HCK: variants seen among roughly 807,000 people sequenced by gnomAD.
HCK encodes tyrosine-protein kinase HCK.
In HCK, 40 loss-of-function variants were observed where a neutral mutation model predicts 70.4. That is an observed-to-expected ratio of 0.57 (90% CI 0.44 to 0.74). HCK has a LOEUF of 0.74. Ranked by LOEUF, HCK falls within the 30% of genes least tolerant of loss-of-function variation. The pLI is 0.00. For missense variants in HCK, 568 were observed against 697.2 expected, an observed-to-expected ratio of 0.81 and a Z score of 2.09; for synonymous variants, 245 against 263.2, an observed-to-expected ratio of 0.93 and a Z score of 0.67.
intron 1 of HCK, among the ~76,000 whole-genome samples, chr20:32,056,881 A>G (rs536831957): frequency 2.6e-5 from 4 of 152,170 alleles, no homozygotes; most frequent in Non-Finnish European, 5.9e-5. Context: ...AACACCTGGC[A>G]CCTGGCACAT....
At chr20:32,093,607 T>C (rs897318699) in intron 10 of HCK, among the ~76,000 whole-genome samples, 10 of 152,130 alleles carry the variant, frequency 6.6e-5, no homozygotes, top group African/African-American at 2.4e-4. Flanking sequence ...TGAGAACATT[T>C]CAAAGTGCTC....
chr20:32,066,606 C>G (rs2122505302), intron 1 of HCK, among the ~76,000 whole-genome samples: 1 of 152,256 alleles, frequency 6.6e-6, no homozygotes, highest in East Asian at 1.9e-4. Flanking sequence ...AGCCACTGCA[C>G]CCAGCCCCAG....
At position 32,093,876 on chromosome 20, in the gene HCK, T is replaced by C; in HGVS notation, c.1106T>C (p.Met369Thr). The change falls in exon 11 of 13, where the codon ATG becomes ACG. Residue 369 changes from methionine (M) to threonine (T), a missense_variant. Transcript: ENST00000375852. Reference sequence around the variant, plus strand: ...TTTGGGGTGCAGATTGCAGAAGGCATGGCCTTCATCGAGCAGAGGAACTAC... The same window carrying C: ...TTTGGGGTGCAGATTGCAGAAGGCACGGCCTTCATCGAGCAGAGGAACTAC... 1 of 1,612,704 alleles carries C rather than the reference T, an allele frequency of 6.2e-7. No individual in the cohort carries two copies. The highest frequency in any genetic ancestry group is 2.2e-5 in the East Asian group (1 of 44,862).
chr20:32,090,566 C>G (rs921608185), intron 10 of HCK, among the ~76,000 whole-genome samples: 2 of 152,184 alleles, frequency 1.3e-5, no homozygotes, highest in Non-Finnish European at 2.9e-5. Flanking sequence ...CCCCCACCCC[C>G]ATATAACCTT....
chr20:32,059,709 T>A (rs1470529200), intron 1 of HCK, among the ~76,000 whole-genome samples: 2 of 151,866 alleles, frequency 1.3e-5, no homozygotes, highest in Non-Finnish European at 2.9e-5. Context: ...AGAAATGGGG[T>A]CTTGCCATGT....
chr20:32,096,221 G>A (rs1050853564), intron 11 of HCK, among the ~76,000 whole-genome samples: 5 of 151,636 alleles, frequency 3.3e-5, no homozygotes, highest in Admixed American at 6.6e-5. Context: ...GGGTGCGGCC[G>A]GGCACAGTGG....
rs916398333 is a variant in HCK, at chr20:32,077,147, C to T, written c.428+2426C>T. ...GTGTCCTTTCAGGGCACTCAGGGGTCCTTGTGTCTGAATCAAGAAACTGCT... is the reference window on the plus strand; with the variant it reads ...GTGTCCTTTCAGGGCACTCAGGGGTTCTTGTGTCTGAATCAAGAAACTGCT... On this transcript the variant is annotated intron_variant, in intron 5 of 12. Coordinates refer to ENST00000375852, the MANE Select transcript of HCK (RefSeq NM_002110.5). Among the ~76,000 whole-genome samples, 4 of 152,090 alleles carry T rather than the reference C, an allele frequency of 2.6e-5. No homozygotes were observed. In the South Asian group the frequency reaches 8.3e-4, roughly 32 times the overall value.
At chr20:32,080,280 C>A (rs144550500) in intron 6 of HCK, among the ~76,000 whole-genome samples, 1,794 of 152,230 alleles carry the variant, frequency 0.012, 46 homozygotes, top group African/African-American at 0.04. Context: ...CTCACTGCAA[C>A]CTCCACCTCC....
intron 1 of HCK, among the ~76,000 whole-genome samples, chr20:32,066,254 C>G (rs925986183): frequency 6.7e-6 from 1 of 149,450 alleles, no homozygotes; most frequent in Non-Finnish European, 1.5e-5. Flanking sequence ...ACTATAGATT[C>G]TGCTGACAAA....
chr20:32,095,344 C>T (rs2045940196), intron 11 of HCK, among the ~76,000 whole-genome samples: 1 of 152,120 alleles, frequency 6.6e-6, no homozygotes, highest in South Asian at 2.1e-4. Flanking sequence ...CAACCTCTGC[C>T]TCCCAGGTTC....
chr20:32,074,735 T>A lies in HCK; in HGVS notation c.428+14T>A, dbSNP rs768596176. The A allele has an allele frequency of 1.1e-4, 173 of 1,587,834 alleles. 1 individual carries two copies. The highest frequency in any genetic ancestry group is 1.7e-4 in the Middle Eastern group (1 of 6,038). The stretch of plus-strand genomic sequence containing the variant: ...GGAGACAGAGGAGTAAGTATCCTAT[T>A]TCCTACCTTCCAGAAAGAGGCATGA... On this transcript the variant is annotated intron_variant, in intron 5 of 12. Transcript: ENST00000375852.
chr20:32,084,625 C>A, intron 8 of HCK, 82 bp downstream of exon 8: 1 of 1,320,074 alleles, frequency 7.6e-7, no homozygotes, highest in Non-Finnish European at 1.0e-6. Context: ...CACCTTATGG[C>A]AAAGCGGGAA....
intron 1 of HCK, chr20:32,069,876 T>C: frequency 3.0e-6 from 2 of 661,086 alleles, no homozygotes; most frequent in Non-Finnish European, 4.4e-6. Flanking sequence ...TAAGTATAAC[T>C]GAGTTCTAAC....
intron 5 of HCK, 69 bp from the exon 6 acceptor site, chr20:32,079,705 G>C (rs1019108970): frequency 3.9e-6 from 4 of 1,022,598 alleles, no homozygotes; most frequent in Non-Finnish European, 6.1e-6. Flanking sequence ...ATGGCCACAG[G>C]CATCCTGTGT....
intron 1 of HCK, 114 bp from the exon 2 acceptor site, chr20:32,071,548 G>A: frequency 2.2e-6 from 3 of 1,350,752 alleles, no homozygotes; most frequent in Non-Finnish European, 3.1e-6. Context: ...GTTAAGACCG[G>A]GAAGGCCAGT....
At chr20:32,099,666 A>G (rs779515819) in intron 12 of HCK, among the ~76,000 whole-genome samples, 1 of 151,866 alleles carries the variant, frequency 6.6e-6, no homozygotes, top group Non-Finnish European at 1.5e-5. Flanking sequence ...CCTCACCCCT[A>G]TGACATCTGA....
At chr20:32,096,645 A>T (rs1426112977) in intron 11 of HCK, among the ~76,000 whole-genome samples, 1 of 152,020 alleles carries the variant, frequency 6.6e-6, no homozygotes, top group African/African-American at 2.4e-5. Context: ...GAAACTACAG[A>T]TACGTGCTAC....
At chr20:32,060,106 A>C (rs1012796169) in intron 1 of HCK, among the ~76,000 whole-genome samples, 23 of 152,216 alleles carry the variant, frequency 1.5e-4, no homozygotes, top group Non-Finnish European at 1.9e-4. Context: ...TGGAGGGGGA[A>C]ACTTCCACTC....
At chr20:32,093,382 G>A (rs2045889372) in intron 10 of HCK, among the ~76,000 whole-genome samples, 1 of 152,168 alleles carries the variant, frequency 6.6e-6, no homozygotes, top group African/African-American at 2.4e-5. Context: ...TCCCTACCCA[G>A]GCTGGGGCAT....
Sources: gnomAD v4.1 joint callset for allele counts (sites outside exome capture counted in the v4.1 genomes callset) on GRCh38, gnomAD v4.1.1 for gene constraint, MANE v1.5 for transcripts, NCBI Gene and HGNC (gene_info 2026-07-23, HGNC 2026-07-21) for gene names.